The following ZFYVE9 variants were observed in gnomAD, a reference collection of about 807,000 sequenced individuals.
ZFYVE9 encodes zinc finger FYVE domain-containing protein 9.
In ZFYVE9, 43 loss-of-function variants were observed where a neutral mutation model predicts 126.7. The ratio of observed to expected loss-of-function variants is 0.34; its 90% confidence interval spans 0.27 to 0.44. The LOEUF is 0.44. ZFYVE9 is among the 20% of genes least tolerant of loss of function. The pLI, the probability that ZFYVE9 is intolerant of heterozygous loss-of-function variation, is 1.00. For missense variants in ZFYVE9, 1,476 were observed against 1,697.0 expected (o/e 0.87, Z 2.29); for synonymous variants, 521 against 597.4 (o/e 0.87, Z 1.87).
intron 4 of ZFYVE9, among the ~76,000 whole-genome samples, chr1:52,254,937 T>TA (rs1378998714): frequency 6.6e-6 from 1 of 151,570 alleles, no homozygotes; most frequent in Admixed American, 6.6e-5. Context: ...TGCTAAAAAT[T>TA]AAAAAATAGC....
chr1:52,340,276 CTT>C, intron 17 of ZFYVE9, 45 bp downstream of exon 17: 2 of 1,487,964 alleles, frequency 1.3e-6, no homozygotes, highest in Non-Finnish European at 1.9e-6. Context: ...TTGAGCACAA[CTT>C]TTTGCTAGGC....
chr1:52,186,238 T>TGA (rs1183593523), intron 1 of ZFYVE9, among the ~76,000 whole-genome samples: 1 of 129,340 alleles, frequency 7.7e-6, no homozygotes, highest in Non-Finnish European at 1.6e-5. Flanking sequence ...AGACTCTGTC[T>TGA]CAAAAAAAAA....
chr1:52,343,414 C>G (rs1487142549), intron 17 of ZFYVE9, among the ~76,000 whole-genome samples: 5 of 151,604 alleles, frequency 3.3e-5, no homozygotes, highest in Admixed American at 2.6e-4. Context: ...CCATTGCACT[C>G]CAGCCTGGGC....
At position 52,201,332 on chromosome 1, in the gene ZFYVE9, G is replaced by A. The variant is rs115758115; in HGVS notation, c.-142-15037G>A. 3.5e-3 allele frequency among the ~76,000 whole-genome samples: 527 copies of A among 149,646 alleles called. 2 individuals carry two copies. Among genetic ancestry groups the A allele is most frequent in the African/African-American group, 0.012 (504 of 40,726 alleles). Reference sequence around the variant, plus strand: ...CTTTTATATATTAACCTTGTATCCTGTAACCCTGCTATAGTCACTTATTCC... The same window carrying A: ...CTTTTATATATTAACCTTGTATCCTATAACCCTGCTATAGTCACTTATTCC... On this transcript the variant is annotated intron_variant, in intron 1 of 18. Coordinates refer to ENST00000287727, the MANE Select transcript of ZFYVE9 (RefSeq NM_004799.4).
intron 1 of ZFYVE9, among the ~76,000 whole-genome samples, chr1:52,204,192 T>C (rs1277580071): frequency 6.6e-6 from 1 of 152,066 alleles, no homozygotes; most frequent in African/African-American, 2.4e-5. Context: ...TGATAAGCTG[T>C]TGGGGGAAGG....
chr1:52,334,629 A>G (rs1646372788), intron 14 of ZFYVE9, 59 bp from the exon 15 acceptor site: 1 of 1,542,602 alleles, frequency 6.5e-7, no homozygotes, highest in Non-Finnish European at 8.9e-7. Context: ...TTTTGTTATT[A>G]TTTTCAATCC....
chr1:52,285,601 C>T (rs1645850739), intron 10 of ZFYVE9, among the ~76,000 whole-genome samples: 1 of 152,158 alleles, frequency 6.6e-6, no homozygotes, highest in African/African-American at 2.4e-5. Context: ...GCCTGATAAT[C>T]TGTCACTGTC....
At chr1:52,284,578 C>A (rs1645839344) in intron 10 of ZFYVE9, among the ~76,000 whole-genome samples, 1 of 152,060 alleles carries the variant, frequency 6.6e-6, no homozygotes, top group Non-Finnish European at 1.5e-5. Context: ...CGCCACCACG[C>A]CTGGCTAATT....
chr1:52,226,161 T>G (rs1472598904), intron 2 of ZFYVE9, among the ~76,000 whole-genome samples: 1 of 152,070 alleles, frequency 6.6e-6, no homozygotes, highest in Non-Finnish European at 1.5e-5. Flanking sequence ...CCTTGGCAGG[T>G]GCCATCTTAT....
intron 13 of ZFYVE9, among the ~76,000 whole-genome samples, chr1:52,309,313 C>CA (rs1646115340): frequency 6.6e-6 from 1 of 151,966 alleles, no homozygotes; most frequent in Admixed American, 6.6e-5. Context: ...CCCATTTCTA[C>CA]AAAAAATACA....
intron 8 of ZFYVE9, among the ~76,000 whole-genome samples, chr1:52,277,905 C>T (rs1309452976): frequency 6.6e-6 from 1 of 152,156 alleles, no homozygotes; most frequent in East Asian, 1.9e-4. Context: ...ATTTTAGTGA[C>T]ATATGTACTA....
At chr1:52,212,816 A>T (rs1460043880) in intron 1 of ZFYVE9, among the ~76,000 whole-genome samples, 4 of 152,234 alleles carry the variant, frequency 2.6e-5, no homozygotes, top group Non-Finnish European at 5.9e-5. Flanking sequence ...GAGAAATTAC[A>T]TGTAATGTGA....
intron 10 of ZFYVE9, among the ~76,000 whole-genome samples, chr1:52,290,032 G>A (rs1469900725): frequency 6.6e-6 from 1 of 152,128 alleles, no homozygotes; most frequent in Non-Finnish European, 1.5e-5. Flanking sequence ...GACAGTCTTT[G>A]TGAAATATAA....
intron 13 of ZFYVE9, among the ~76,000 whole-genome samples, chr1:52,326,768 C>T (rs1031646258): frequency 6.6e-6 from 1 of 150,524 alleles, no homozygotes; most frequent in African/African-American, 2.4e-5. Flanking sequence ...ACTTGAGAGG[C>T]TGAGGCAGGA....
chr1:52,262,232 G>A (rs1645586580), intron 4 of ZFYVE9, among the ~76,000 whole-genome samples: 1 of 152,134 alleles, frequency 6.6e-6, no homozygotes, highest in South Asian at 2.1e-4. Context: ...CTTTTATAGG[G>A]CACTAATCCC....
intron 10 of ZFYVE9, among the ~76,000 whole-genome samples, chr1:52,291,288 G>A (rs956598788): frequency 2.6e-5 from 4 of 152,130 alleles, no homozygotes; most frequent in Admixed American, 6.5e-5. Flanking sequence ...ATACCTGTCC[G>A]CTAAAATCAA....
intron 1 of ZFYVE9, among the ~76,000 whole-genome samples, chr1:52,164,641 C>T (rs549969675): frequency 2.9e-4 from 44 of 151,644 alleles, no homozygotes; most frequent in African/African-American, 1.0e-3. Context: ...TTTGTCCGTC[C>T]GTCCATCCGT....
chr1:52,238,616 C>G lies in ZFYVE9; in HGVS notation c.1199C>G (p.Thr400Ser), dbSNP rs373202875. The change falls in exon 4 of 19, where the codon ACT becomes AGT. Residue 400 changes from threonine (T) to serine (S), a missense_variant. Coordinates refer to ENST00000287727, the MANE Select transcript of ZFYVE9 (RefSeq NM_004799.4). The part of the protein sequence containing the change: ...TEHFSESQDM[T>S]NWKLTKLNEM... ...CATTTCTCTGAATCTCAGGACATGA[C>G]TAATTGGAAGTTGACTAAACTAAAT... is the stretch of plus-strand genomic sequence containing the variant. 3 of 1,613,988 alleles carry G rather than the reference C, an allele frequency of 1.9e-6. No individual in the cohort carries two copies. The highest frequency in any genetic ancestry group is 4.5e-5 in the East Asian group (2 of 44,882).
chr1:52,205,113 C>T lies in ZFYVE9; in HGVS notation c.-142-11256C>T, dbSNP rs1318558808. 7.6e-5 allele frequency among the ~76,000 whole-genome samples: 10 copies of T among 130,822 alleles called. No individual in the cohort carries two copies. In the Admixed American group the frequency reaches 8.1e-4, roughly 11 times the overall value. 85.8% of individuals were successfully genotyped at this position (130,822 alleles called of 152,430 possible). ...TTTTGAAGACAGGACCTCATTCTGT[C>T]GCCCAGGCTGGAGTGCGGTGGCATG... On this transcript the variant is annotated intron_variant, in intron 1 of 18. Coordinates refer to ENST00000287727, the MANE Select transcript of ZFYVE9 (RefSeq NM_004799.4).
Sources: gnomAD v4.1 joint callset for allele counts (sites outside exome capture counted in the v4.1 genomes callset) on GRCh38, gnomAD v4.1.1 for gene constraint, MANE v1.5 for transcripts, NCBI Gene and HGNC (gene_info 2026-07-23, HGNC 2026-07-21) for gene names.